The following SGCZ variants were observed in gnomAD, a reference collection of about 807,000 sequenced individuals.
SGCZ encodes sarcoglycan zeta.
Under a neutral mutation model 41.3 loss-of-function variants are expected in SGCZ, and 40 were observed. The ratio of observed to expected loss-of-function variants is 0.97; its 90% confidence interval spans 0.75 to 1.26. The LOEUF (loss-of-function observed/expected upper bound fraction) is 1.26. Among genes scored for constraint, SGCZ ranks in the 50% most tolerant of loss-of-function variants. SGCZ has a pLI of 0.00. For synonymous variants in SGCZ, 206 were observed against 137.5 expected, an observed-to-expected ratio of 1.50 and a Z score of -3.49; for missense variants, 552 against 369.8, an observed-to-expected ratio of 1.49 and a Z score of -4.04.
At chr8:14,333,034 T>C (rs1000098777) in intron 2 of SGCZ, among the ~76,000 whole-genome samples, 1 of 151,886 alleles carries the variant, frequency 6.6e-6, no homozygotes, top group South Asian at 2.1e-4. Flanking sequence ...ATATTTTAAA[T>C]TCAATATTTT....
chr8:14,453,478 C>A (rs1425195011), intron 2 of SGCZ, among the ~76,000 whole-genome samples: 1 of 151,936 alleles, frequency 6.6e-6, no homozygotes, highest in African/African-American at 2.4e-5. Flanking sequence ...ACATTATTTA[C>A]AAATAAGTTG....
intron 1 of SGCZ, among the ~76,000 whole-genome samples, chr8:15,065,940 G>A (rs1034536026): frequency 6.6e-5 from 10 of 152,086 alleles, no homozygotes; most frequent in East Asian, 3.9e-4. Flanking sequence ...GAAATTTCAC[G>A]TCTTCCTTTT....
intron 1 of SGCZ, among the ~76,000 whole-genome samples, chr8:14,768,768 A>G (rs1278017563): frequency 6.6e-6 from 1 of 151,986 alleles, no homozygotes; most frequent in African/African-American, 2.4e-5. Flanking sequence ...GACTGCACTC[A>G]TCATTCAGAA....
At chr8:14,115,801 G>A (rs918259643) in intron 5 of SGCZ, among the ~76,000 whole-genome samples, 1 of 151,422 alleles carries the variant, frequency 6.6e-6, no homozygotes, top group Non-Finnish European at 1.5e-5. Flanking sequence ...TCTTTGGGGG[G>A]TGGGGGTGGA....
Position 14,799,692 on chromosome 8 carries a change from T to TAAA in SGCZ, c.40-244767_40-244766insTTT, listed in dbSNP as rs1801254976. Among the ~76,000 whole-genome samples the TAAA allele has an allele frequency of 4.7e-5, 5 of 105,988 alleles. No individual in the cohort carries two copies. In the East Asian group the frequency reaches 1.1e-3, roughly 24 times the overall value. The allele number at this position is 105,988 out of a possible 152,430, so 69.5% of individuals were successfully genotyped here. ...CGGCAAGGGCAAAATAAAAAAAAAT[T>TAAA]TTTTTTTTTAAATTTAAAAAGCGTA... is the stretch of plus-strand genomic sequence containing the variant. On this transcript the variant is annotated intron_variant, in intron 1 of 7. Coordinates refer to ENST00000382080, the MANE Select transcript of SGCZ (RefSeq NM_139167.4).
chr8:15,092,870 T>C (rs2131065593), intron 1 of SGCZ, among the ~76,000 whole-genome samples: 1 of 152,316 alleles, frequency 6.6e-6, no homozygotes, highest in East Asian at 1.9e-4. Context: ...GCAGACCCAC[T>C]TAAAACTATT....
intron 1 of SGCZ, among the ~76,000 whole-genome samples, chr8:15,138,472 C>T (rs1191044203): frequency 6.6e-6 from 1 of 152,024 alleles, no homozygotes; most frequent in Non-Finnish European, 1.5e-5. Context: ...ACTCAAATCT[C>T]ATCTTGAATT....
chr8:14,132,959 C>T (rs1226112774), intron 5 of SGCZ, among the ~76,000 whole-genome samples: 1 of 152,066 alleles, frequency 6.6e-6, no homozygotes, highest in Non-Finnish European at 1.5e-5. Context: ...TCCTTGTGCT[C>T]AGCTAGTGTT....
At chr8:14,902,857 A>G (rs990550823) in intron 1 of SGCZ, among the ~76,000 whole-genome samples, 4 of 152,176 alleles carry the variant, frequency 2.6e-5, no homozygotes, top group Admixed American at 6.5e-5. Context: ...CAATTTTGCT[A>G]TAATAAATAC....
intron 1 of SGCZ, among the ~76,000 whole-genome samples, chr8:14,603,015 G>T (rs1313460107): frequency 6.6e-6 from 1 of 152,150 alleles, no homozygotes; most frequent in African/African-American, 2.4e-5. Context: ...CTTAATCTAG[G>T]AAAACATTCA....
chr8:14,147,186 C>G (rs1413432848), intron 5 of SGCZ, among the ~76,000 whole-genome samples: 6 of 151,770 alleles, frequency 4.0e-5, no homozygotes, highest in African/African-American at 4.8e-5. Flanking sequence ...TAAAGGAAGA[C>G]AGGAAGAAAA....
At chr8:14,364,922 C>A (rs953322912) in intron 2 of SGCZ, among the ~76,000 whole-genome samples, 12 of 152,094 alleles carry the variant, frequency 7.9e-5, no homozygotes, top group African/African-American at 1.4e-4. Context: ...TTCCTCCCCA[C>A]CCCAAATGTC....
intron 1 of SGCZ, among the ~76,000 whole-genome samples, chr8:15,131,148 G>A (rs1251123980): frequency 1.3e-5 from 2 of 152,180 alleles, no homozygotes; most frequent in African/African-American, 2.4e-5. Flanking sequence ...AGGTGCTTCA[G>A]TGATATCGTT....
At chr8:14,352,279 G>A (rs1416521850) in intron 2 of SGCZ, among the ~76,000 whole-genome samples, 1 of 152,004 alleles carries the variant, frequency 6.6e-6, no homozygotes, top group Non-Finnish European at 1.5e-5. Flanking sequence ...TGAGGAAGGT[G>A]CAGGAAAAGA....
intron 2 of SGCZ, among the ~76,000 whole-genome samples, chr8:14,401,959 G>A (rs924351812): frequency 1.3e-5 from 2 of 151,510 alleles, no homozygotes; most frequent in African/African-American, 4.9e-5. Flanking sequence ...GTTGTTTCCT[G>A]ACTTTTTAAT....
At chr8:14,582,715 G>A (rs969288234) in intron 1 of SGCZ, among the ~76,000 whole-genome samples, 11 of 136,128 alleles carry the variant, frequency 8.1e-5, no homozygotes, top group Non-Finnish European at 1.5e-4. Context: ...GTGTCCGTGT[G>A]TTCTCATTGT....
At chr8:14,643,633 T>C (rs1323748968) in intron 1 of SGCZ, among the ~76,000 whole-genome samples, 1 of 151,574 alleles carries the variant, frequency 6.6e-6, no homozygotes, top group Non-Finnish European at 1.5e-5. Context: ...ACTATATTGA[T>C]AGATAAATTA....
chr8:14,389,926 G>C (rs1563298008), intron 2 of SGCZ, among the ~76,000 whole-genome samples: 1 of 151,976 alleles, frequency 6.6e-6, no homozygotes, highest in Non-Finnish European at 1.5e-5. Flanking sequence ...ACAGTATGAA[G>C]TAAATGACAA....
At chr8:14,602,583 C>A (rs1019810665) in intron 1 of SGCZ, among the ~76,000 whole-genome samples, 2 of 152,010 alleles carry the variant, frequency 1.3e-5, no homozygotes, top group African/African-American at 4.8e-5. Flanking sequence ...CAATGAATAG[C>A]CTAAATAATT....
Sources: allele counts gnomAD v4.1 joint callset (sites outside exome capture counted in the v4.1 genomes callset), GRCh38; gene constraint gnomAD v4.1.1; transcripts MANE v1.5; gene names NCBI Gene and HGNC (gene_info 2026-07-23, HGNC 2026-07-21).